The following ZNF735 variants were observed in gnomAD, a reference collection of about 807,000 sequenced individuals.
ZNF735 encodes the protein zinc finger protein 735.
In ZNF735, 11 loss-of-function variants were observed where a neutral mutation model predicts 13.4. The observed-to-expected ratio is 0.82, with a 90% CI of 0.52 to 1.36. The LOEUF (loss-of-function observed/expected upper bound fraction) is 1.36, where lower values mean the gene tolerates loss of function less well. Ranked by LOEUF, ZNF735 falls within the 40% of genes most tolerant of loss-of-function variation. The pLI, the probability that ZNF735 is intolerant of heterozygous loss-of-function variation, is 0.00. For missense variants in ZNF735, 500 were observed against 484.6 expected (o/e 1.03, Z -0.30); for synonymous variants, 171 against 162.6 (o/e 1.05, Z -0.39).
chr7:64,209,266 T>C, intron 1 of ZNF735, among the ~76,000 whole-genome samples: 1 of 152,072 alleles, frequency 6.6e-6, no homozygotes, highest in Admixed American at 6.5e-5. Context: ...TTGTTTTTAT[T>C]TGAATTATTT....
At chr7:64,218,836 T>C (rs923984017) in intron 3 of ZNF735, among the ~76,000 whole-genome samples, 2 of 152,204 alleles carry the variant, frequency 1.3e-5, no homozygotes, top group Non-Finnish European at 2.9e-5. Context: ...GTTCTCAAGA[T>C]GTGTCTTGTC....
At chr7:64,220,061 C>G (rs747042016) in exon 4 of ZNF735, 1 of 1,613,444 alleles carries the variant, frequency 6.2e-7, no homozygotes, top group East Asian at 2.2e-5. Context: ...TTTAACTGCT[C>G]CTCGACTCTT....
chr7:64,208,285 T>A (rs1311329775), intron 1 of ZNF735, among the ~76,000 whole-genome samples: 1 of 111,182 alleles, frequency 9.0e-6, no homozygotes, highest in Admixed American at 1.2e-4. Flanking sequence ...GGAGAGGGAG[T>A]CTCACTCTGT....
chr7:64,209,893 G>T (rs1282153016), intron 1 of ZNF735, among the ~76,000 whole-genome samples: 2 of 151,846 alleles, frequency 1.3e-5, no homozygotes, highest in Non-Finnish European at 2.9e-5. Flanking sequence ...TTTTATTTCT[G>T]CCTTAATTTC....
At chr7:64,209,612 G>A (rs1228286871) in intron 1 of ZNF735, among the ~76,000 whole-genome samples, 7 of 152,060 alleles carry the variant, frequency 4.6e-5, no homozygotes, top group African/African-American at 7.2e-5. Context: ...GGAGTGAGCC[G>A]CAGTGCATGG....
intron 3 of ZNF735, among the ~76,000 whole-genome samples, chr7:64,216,127 C>T (rs1419837959): frequency 6.6e-6 from 1 of 151,870 alleles, no homozygotes; most frequent in African/African-American, 2.4e-5. Context: ...AAACCCGTCT[C>T]TACTAAAAAA....
At chr7:64,219,926 C>G (rs757629051) in exon 4 of ZNF735, 1 of 1,613,836 alleles carries the variant, frequency 6.2e-7, no homozygotes. Flanking sequence ...AGAATTCATA[C>G]TGGAGAGAGA....
chr7:64,217,602 C>T (rs1011527149), intron 3 of ZNF735, among the ~76,000 whole-genome samples: 5 of 150,884 alleles, frequency 3.3e-5, no homozygotes, highest in Admixed American at 1.3e-4. Flanking sequence ...TTTTGAAGTC[C>T]TGATGTTATA....
intron 3 of ZNF735, among the ~76,000 whole-genome samples, chr7:64,217,553 T>G (rs1377704500): frequency 6.6e-6 from 1 of 152,104 alleles, no homozygotes; most frequent in Admixed American, 6.5e-5. Context: ...GTTGCTATTT[T>G]ATTTCTTGCT....
chr7:64,218,784 A>T (rs1318575619), intron 3 of ZNF735, among the ~76,000 whole-genome samples: 2 of 152,194 alleles, frequency 1.3e-5, no homozygotes, highest in Non-Finnish European at 2.9e-5. Flanking sequence ...ATAGCCTGAA[A>T]GCAATTGTCT....
intron 3 of ZNF735, among the ~76,000 whole-genome samples, chr7:64,218,309 A>G (rs1787445886): frequency 6.6e-6 from 1 of 151,948 alleles, no homozygotes; most frequent in South Asian, 2.1e-4. Context: ...CTAGGCTTAT[A>G]AATAATACCT....
chr7:64,215,005 C>T (rs980964045), intron 3 of ZNF735, among the ~76,000 whole-genome samples: 1 of 150,094 alleles, frequency 6.7e-6, no homozygotes, highest in Admixed American at 6.6e-5. Context: ...TCAAATACTT[C>T]TTCCCATTTG....
exon 1 of ZNF735, chr7:64,207,204 T>G (rs1443916040): frequency 1.2e-6 from 2 of 1,614,116 alleles, no homozygotes; most frequent in Non-Finnish European, 1.7e-6. Context: ...CGCAGATTTA[T>G]GGCTAAAAGA....
rs759863714 is a variant in ZNF735 at position 64,213,157 on chromosome 7, T to C, written c.105T>C (p.His35=). Residue 35 remains histidine, a synonymous_variant, in exon 2 of 4, where the codon CAT becomes CAC. Coordinates refer to ENST00000429565, the Ensembl canonical transcript of ZNF735. Reference sequence around the variant, plus strand: ...TGGCGGAGTGGCAATGCCTGGATCATGCTCAGCAGAATTTATATAGAGATG... The same window carrying C: ...TGGCGGAGTGGCAATGCCTGGATCACGCTCAGCAGAATTTATATAGAGATG... 1.3e-4 allele frequency: 204 copies of C among 1,613,200 alleles called. 1 individual carries two copies. Among genetic ancestry groups the C allele is most frequent in the Non-Finnish European group, 9.9e-5 (117 of 1,179,674 alleles).
chr7:64,209,042 G>A lies in ZNF735; in HGVS notation c.39+1801G>A, dbSNP rs1036356045. On this transcript the variant is annotated intron_variant, in intron 1 of 3. Coordinates refer to ENST00000429565, the Ensembl canonical transcript of ZNF735. ...CTGTAATAAACATATGCGTGCATGT[G>A]TCTTCATGGTAGAATAACTTACATT... is the stretch of plus-strand genomic sequence containing the variant. 4.6e-5 allele frequency among the ~76,000 whole-genome samples: 7 copies of A among 152,274 alleles called. No homozygotes were observed. The Middle Eastern group carries it at 0.01, about 222-fold the overall frequency.
rs1364151222 is a variant in ZNF735 at position 64,209,333 on chromosome 7, A to G, written c.39+2092A>G. ...ATCTTATTATTTTTACACAGAATCA[A>G]CTTCTGGTTTTGTTGAACTTTTTTT... is the stretch of plus-strand genomic sequence containing the variant. On this transcript the variant is annotated intron_variant, in intron 1 of 3. Transcript: ENST00000429565. 2.7e-5 allele frequency among the ~76,000 whole-genome samples: 4 copies of G among 147,356 alleles called. No homozygotes were observed. In the East Asian group the frequency reaches 6.1e-4, roughly 23 times the overall value.
chr7:64,208,244 G>GTTTTTTTTTTTTTTTTTTTTTTTTTTTTT lies in ZNF735; in HGVS notation c.39+1005_39+1033dup, dbSNP rs71060562. Among the ~76,000 whole-genome samples the GTTTTTTTTTTTTTTTTTTTTTTTTTTTTT allele has an allele frequency of 2.1e-5, 2 of 93,082 alleles. 1 individual carries two copies. Among genetic ancestry groups the GTTTTTTTTTTTTTTTTTTTTTTTTTTTTT allele is most frequent in the African/African-American group, 8.3e-5 (2 of 24,044 alleles). 61.1% of individuals were successfully genotyped at this position (93,082 alleles called of 152,430 possible). A position where few individuals can be genotyped will look rare whatever the true frequency, so the allele number is the denominator to read the frequency against. ...TTCAAGATAGTAATCTCCAATAAATGTTTTTTTTTTTTTTTTTTTTTTTTT... is the reference window on the plus strand; with the variant it reads ...TTCAAGATAGTAATCTCCAATAAATGTTTTTTTTTTTTTTTTTTTTTTTTTTTTTTTTTTTTTTTTTTTTTTTTTTTTTT... On this transcript the variant is annotated intron_variant, in intron 1 of 3. Coordinates refer to ENST00000429565, the Ensembl canonical transcript of ZNF735.
chr7:64,211,819 T>C (rs1787363159), intron 1 of ZNF735, among the ~76,000 whole-genome samples: 1 of 150,552 alleles, frequency 6.6e-6, no homozygotes, highest in South Asian at 2.1e-4. Flanking sequence ...TGACCTGAGA[T>C]TGCACCATTA....
At chr7:64,219,799 T>C (rs1182533964) in exon 4 of ZNF735, 1 of 1,612,888 alleles carries the variant, frequency 6.2e-7, no homozygotes, top group Admixed American at 1.7e-5. Flanking sequence ...TGGCAAAGCC[T>C]TTAGGTGGCC....
Sources: gnomAD v4.1 joint callset for allele counts (sites outside exome capture counted in the v4.1 genomes callset) on GRCh38, gnomAD v4.1.1 for gene constraint, MANE v1.5 for transcripts, NCBI Gene and HGNC (gene_info 2026-07-23, HGNC 2026-07-21) for gene names.